Variants in THAP6 observed in about 807,000 individuals in gnomAD.
THAP6 encodes the protein THAP domain-containing protein 6.
Under a neutral mutation model 20.0 loss-of-function variants are expected in THAP6, and 13 were observed. That is an observed-to-expected ratio of 0.65 (90% confidence interval 0.42 to 1.03). The LOEUF is 1.03. THAP6 is among the 50% of genes least tolerant of loss of function. THAP6 has a pLI of 0.00. For synonymous variants in THAP6, 93 were observed against 92.2 expected (o/e 1.01, Z -0.05); for missense variants, 262 against 261.6 (o/e 1.00, Z -0.01).
At chr4:75,521,102 G>T in intron 3 of THAP6, among the ~76,000 whole-genome samples, 1 of 148,918 alleles carries the variant, frequency 6.7e-6, no homozygotes. Flanking sequence ...TTTATTGTTT[G>T]TCTTCAGTTC....
At chr4:75,520,484 GGT>G (rs1725954441) in intron 3 of THAP6, among the ~76,000 whole-genome samples, 1 of 152,034 alleles carries the variant, frequency 6.6e-6, no homozygotes, top group Non-Finnish European at 1.5e-5. Context: ...AGTAGTTGGT[GGT>G]GTCAATTATA....
At chr4:75,521,590 C>A in intron 3 of THAP6, 146 bp from the exon 4 acceptor site, 1 of 812,612 alleles carries the variant, frequency 1.2e-6, no homozygotes. Flanking sequence ...TTAAAATTAT[C>A]TGGGTGGAAT....
In THAP6 at chr4:75,546,435, A is replaced by G. The variant is rs565292447; in HGVS notation, c.244-3170A>G. On this transcript the variant is annotated intron_variant, in intron 3 of 4. Coordinates refer to the THAP6 transcript ENST00000502620. ...CAAGGAGCACTGTCCATGCCCCTTC[A>G]TTGTCCATAAACACCCAAGCTCTTA... is the stretch of plus-strand genomic sequence containing the variant. Among the ~76,000 whole-genome samples, 3 of 152,352 alleles carry G rather than the reference A, an allele frequency of 2.0e-5. No homozygotes were observed. In the South Asian group the frequency reaches 6.2e-4, roughly 32 times the overall value.
intron 2 of THAP6, among the ~76,000 whole-genome samples, chr4:75,535,729 T>C (rs977816471): frequency 3.9e-5 from 6 of 152,220 alleles, no homozygotes; most frequent in African/African-American, 1.4e-4. Context: ...TACTTAGTAC[T>C]AAGTACTAAG....
rs537133684 is a variant in THAP6 at position 75,537,357 on chromosome 4, C to T, written c.166-5052C>T. ...ATTCCCATGTGTTGTGGGAGGGGCC[C>T]GGTGGGAGATAATTGAATCATGAGA... On this transcript the variant is annotated intron_variant, in intron 2 of 4. Transcript: ENST00000502620. Among the ~76,000 whole-genome samples, 16 of 152,198 alleles carry T rather than the reference C, an allele frequency of 1.1e-4. No homozygotes were observed. The South Asian group carries it at 2.1e-3, about 20-fold the overall frequency.
At chr4:75,540,155 T>C (rs1382058247) in intron 2 of THAP6, among the ~76,000 whole-genome samples, 1 of 152,234 alleles carries the variant, frequency 6.6e-6, no homozygotes, top group Non-Finnish European at 1.5e-5. Flanking sequence ...TTATAAAACA[T>C]CTTGACAGTG....
Position 75,528,145 on chromosome 4 carries a change from G to A in THAP6, c.*931G>A. The A allele has an allele frequency of 1.0e-6, 1 of 985,104 alleles. No individual in the cohort carries two copies. The highest frequency in any genetic ancestry group is 1.2e-6 in the Non-Finnish European group (1 of 829,648). The allele number at this position is 985,104 out of a possible 1,614,324, so 61.0% of individuals were successfully genotyped here. ...GGCTCTTCCAGTTGAAATAGGAATT[G>A]GAGAGAAAGGATTAGAATATTTTAA... On this transcript the variant is annotated 3_prime_UTR_variant, in exon 5 of 5. Transcript: ENST00000311638.
chr4:75,525,068 T>C (rs935882073), intron 4 of THAP6, among the ~76,000 whole-genome samples: 8 of 152,242 alleles, frequency 5.3e-5, no homozygotes, highest in Non-Finnish European at 1.0e-4. Context: ...ATTTTTGTTT[T>C]TTTCTACTGC....
chr4:75,529,719 T>G lies in THAP6; in HGVS notation c.*2505T>G. On this transcript the variant is annotated 3_prime_UTR_variant, in exon 5 of 5. Coordinates refer to ENST00000311638, the MANE Select transcript of THAP6 (RefSeq NM_144721.6). ...AAGCCTGACCCTAAGGGTTCCACTT[T>G]GCTTTAAAAGCTAGGAGTGGCCTCT... 1.0e-6 allele frequency: 1 copy of G among 985,452 alleles called. No homozygotes were observed. Among genetic ancestry groups the G allele is most frequent in the Non-Finnish European group, 1.2e-6 (1 of 829,954 alleles). The allele number at this position is 985,452 out of a possible 1,614,324, so 61.0% of individuals were successfully genotyped here.
intron 2 of THAP6, among the ~76,000 whole-genome samples, chr4:75,516,326 A>G (rs116372643): frequency 0.021 from 3,142 of 152,310 alleles, 44 homozygotes; most frequent in Middle Eastern, 0.048. Flanking sequence ...TAGACCTGCT[A>G]TGTATTAAAT....
Position 75,514,476 on chromosome 4 carries a change from C to G in THAP6, c.-65C>G. On this transcript the variant is annotated 5_prime_UTR_variant, in exon 1 of 5. Coordinates refer to ENST00000311638, the MANE Select transcript of THAP6 (RefSeq NM_144721.6). ...GCTACGAGGCGGAAGCGAAGGCAGA[C>G]GCAGTCTCCGTCGTTGACGTTAGTC... 1.8e-6 allele frequency: 1 copy of G among 564,664 alleles called. No homozygotes were observed. The highest frequency in any genetic ancestry group is 2.9e-5 in the East Asian group (1 of 35,016). 35.0% of individuals were successfully genotyped at this position (564,664 alleles called of 1,614,324 possible).
intron 3 of THAP6, among the ~76,000 whole-genome samples, chr4:75,545,780 T>C (rs560460122): frequency 9.8e-5 from 15 of 152,304 alleles, no homozygotes; most frequent in African/African-American, 2.2e-4. Flanking sequence ...ACTAGCCTAA[T>C]TGGACTTACC....
chr4:75,539,806 T>G (rs1445579468), intron 2 of THAP6: 1 of 1,534,944 alleles, frequency 6.5e-7, no homozygotes. Flanking sequence ...GACCATACAA[T>G]GAGCCATCCA....
At position 75,528,750 on chromosome 4, in the gene THAP6, G is replaced by C. The variant is rs1388805394; in HGVS notation, c.*1536G>C. 1.2e-6 allele frequency: 1 copy of C among 848,970 alleles called. No homozygotes were observed. Among genetic ancestry groups the C allele is most frequent in the East Asian group, 1.4e-4 (1 of 7,308 alleles). The allele number at this position is 848,970 out of a possible 1,614,324, so 52.6% of individuals were successfully genotyped here. ...CAATCTGAAAAAAAAGTAGTAAAAAGGTAGTTAAAAAAAAAAAAGGCCGGG... is the reference window on the plus strand; with the variant it reads ...CAATCTGAAAAAAAAGTAGTAAAAACGTAGTTAAAAAAAAAAAAGGCCGGG... On this transcript the variant is annotated 3_prime_UTR_variant, in exon 5 of 5. Coordinates refer to ENST00000311638, the MANE Select transcript of THAP6 (RefSeq NM_144721.6).
chr4:75,521,711 G>GATT (rs34598763), intron 3 of THAP6, 25 bp from the exon 4 acceptor site: 606,611 of 1,551,040 alleles, frequency 0.39, 120,993 homozygotes, highest in African/African-American at 0.5. Context: ...CTCACTTGAT[G>GATT]ATTATTATTA....
chr4:75,524,526 A>T (rs1157294464), intron 4 of THAP6, among the ~76,000 whole-genome samples: 1 of 152,168 alleles, frequency 6.6e-6, no homozygotes, highest in Non-Finnish European at 1.5e-5. Flanking sequence ...TTGCTTAAAA[A>T]GTTTAATCTT....
intron 4 of THAP6, among the ~76,000 whole-genome samples, chr4:75,525,576 C>T (rs1410494126): frequency 6.6e-6 from 1 of 152,030 alleles, no homozygotes; most frequent in Non-Finnish European, 1.5e-5. Context: ...GTGTCAGTTC[C>T]GGCTTGGTTT....
chr4:75,524,321 A>C (rs1480095721), intron 4 of THAP6, among the ~76,000 whole-genome samples: 1 of 152,186 alleles, frequency 6.6e-6, no homozygotes, highest in Non-Finnish European at 1.5e-5. Flanking sequence ...TTTTTGTTTA[A>C]ACAGTAAATT....
Position 75,528,179 on chromosome 4 carries a change from G to GT in THAP6, c.*966dup. 1.0e-6 allele frequency: 1 copy of GT among 985,138 alleles called. No individual in the cohort carries two copies. The highest frequency in any genetic ancestry group is 1.2e-6 in the Non-Finnish European group (1 of 829,644). 61.0% of individuals were successfully genotyped at this position (985,138 alleles called of 1,614,324 possible). A position where few individuals can be genotyped will look rare whatever the true frequency, so the allele number is the denominator to read the frequency against. On this transcript the variant is annotated 3_prime_UTR_variant, in exon 5 of 5. Coordinates refer to ENST00000311638, the MANE Select transcript of THAP6 (RefSeq NM_144721.6). ...GGATTAGAATATTTTAATTAGGGGA[G>GT]TAGATTATTGTCCAAAGGCTTTTAT...
Sources: allele counts gnomAD v4.1 joint callset (sites outside exome capture counted in the v4.1 genomes callset), GRCh38; gene constraint gnomAD v4.1.1; transcripts MANE v1.5; gene names NCBI Gene and HGNC (gene_info 2026-07-23, HGNC 2026-07-21).